CDKAL1: variants seen among roughly 807,000 people sequenced by gnomAD.
CDKAL1 encodes the protein threonylcarbamoyladenosine tRNA methylthiotransferase.
In CDKAL1, 32 loss-of-function variants were observed where a neutral mutation model predicts 68.2. The observed-to-expected ratio is 0.47, with a 90% CI of 0.35 to 0.63. The LOEUF (loss-of-function observed/expected upper bound fraction) is 0.63, where lower values mean the gene tolerates loss of function less well. CDKAL1 is among the 30% of genes least tolerant of loss of function. CDKAL1 has a pLI of 0.00. For synonymous variants in CDKAL1, 234 were observed against 244.3 expected, an observed-to-expected ratio of 0.96 and a Z score of 0.39; for missense variants, 606 against 696.7, an observed-to-expected ratio of 0.87 and a Z score of 1.47.
At chr6:21,220,593 T>G (rs1779504619) in intron 15 of CDKAL1, among the ~76,000 whole-genome samples, 1 of 152,232 alleles carries the variant, frequency 6.6e-6, no homozygotes, top group South Asian at 2.1e-4. Context: ...CTGGTTCTTC[T>G]GTCCTACACC....
intron 5 of CDKAL1, among the ~76,000 whole-genome samples, chr6:20,702,518 G>T (rs1330084689): frequency 6.6e-6 from 1 of 152,178 alleles, no homozygotes; most frequent in Non-Finnish European, 1.5e-5. Context: ...AGCCAGAAGG[G>T]AGATGGTTTT....
intron 8 of CDKAL1, among the ~76,000 whole-genome samples, chr6:20,822,427 G>T (rs1023418421): frequency 6.6e-6 from 1 of 151,986 alleles, no homozygotes; most frequent in Non-Finnish European, 1.5e-5. Flanking sequence ...TCCCATACTC[G>T]ATAATCAGAA....
chr6:20,995,083 C>A (rs1347518088), intron 10 of CDKAL1, among the ~76,000 whole-genome samples: 2 of 152,224 alleles, frequency 1.3e-5, no homozygotes, highest in African/African-American at 4.8e-5. Context: ...AACAACTCAT[C>A]ATCTGTTCAA....
At chr6:21,117,605 C>G (rs1043503546) in intron 13 of CDKAL1, among the ~76,000 whole-genome samples, 3 of 152,002 alleles carry the variant, frequency 2.0e-5, no homozygotes, top group African/African-American at 7.2e-5. Flanking sequence ...CCACTGCACT[C>G]CAGCCTGGGC....
intron 2 of CDKAL1, among the ~76,000 whole-genome samples, chr6:20,542,972 A>T (rs1454995564): frequency 6.6e-6 from 1 of 152,250 alleles, no homozygotes; most frequent in African/African-American, 2.4e-5. Context: ...CAGGAGAGTC[A>T]TCCAGGTTGA....
intron 8 of CDKAL1, among the ~76,000 whole-genome samples, chr6:20,784,301 G>A (rs1383231810): frequency 6.7e-6 from 1 of 148,880 alleles, no homozygotes; most frequent in African/African-American, 2.5e-5. Context: ...AATAATACCT[G>A]ATACAATAGA....
intron 13 of CDKAL1, among the ~76,000 whole-genome samples, chr6:21,115,828 C>G (rs893382111): frequency 6.6e-6 from 1 of 152,178 alleles, no homozygotes; most frequent in East Asian, 1.9e-4. Flanking sequence ...GAAATAAGGA[C>G]ATACTGAAGA....
At chr6:20,538,373 G>A (rs1446450956) in intron 2 of CDKAL1, among the ~76,000 whole-genome samples, 1 of 152,144 alleles carries the variant, frequency 6.6e-6, no homozygotes, top group Non-Finnish European at 1.5e-5. Context: ...GTGAGGCAAA[G>A]CCATAGTGGG....
chr6:21,011,309 G>C (rs1207851547), intron 11 of CDKAL1, among the ~76,000 whole-genome samples: 3 of 151,832 alleles, frequency 2.0e-5, no homozygotes, highest in Non-Finnish European at 4.4e-5. Context: ...GTGTGAACCC[G>C]GGAGGCAGAG....
intron 15 of CDKAL1, among the ~76,000 whole-genome samples, chr6:21,220,647 C>T (rs990122141): frequency 2.0e-5 from 3 of 152,172 alleles, no homozygotes; most frequent in South Asian, 2.1e-4. Context: ...AATTAGGAAA[C>T]TATTATAAGC....
At chr6:20,977,443 G>C (rs201358) in intron 10 of CDKAL1, among the ~76,000 whole-genome samples, 14,770 of 152,216 alleles carry the variant, frequency 0.097, 824 homozygotes, top group Middle Eastern at 0.16. Context: ...TTAGCACTAT[G>C]TAACCATGTG....
chr6:20,894,742 C>T lies in CDKAL1; in HGVS notation c.742+48564C>T, dbSNP rs1422057788. On this transcript the variant is annotated intron_variant, in intron 9 of 15. Transcript: ENST00000274695. ...ACATAAAATACAAAATGTGGTGGCTCACACCTGCAATCCTCAGCACTTTGG... is the reference window on the plus strand; with the variant it reads ...ACATAAAATACAAAATGTGGTGGCTTACACCTGCAATCCTCAGCACTTTGG... Among the ~76,000 whole-genome samples, 4 of 152,238 alleles carry T rather than the reference C, an allele frequency of 2.6e-5. 1 individual carries two copies. The highest frequency in any genetic ancestry group is 4.1e-4 in the South Asian group (2 of 4,820).
At chr6:21,060,630 A>G (rs1030223578) in intron 11 of CDKAL1, among the ~76,000 whole-genome samples, 16 of 152,022 alleles carry the variant, frequency 1.1e-4, no homozygotes, top group Non-Finnish European at 7.4e-5. Context: ...TATATCTAAC[A>G]CAGAAATTAA....
chr6:20,625,486 G>A (rs973499696), intron 4 of CDKAL1, among the ~76,000 whole-genome samples: 2 of 152,060 alleles, frequency 1.3e-5, no homozygotes, highest in African/African-American at 4.8e-5. Context: ...GAATTGAAAA[G>A]TTCTGAATAT....
At chr6:20,881,159 C>T (rs908895655) in intron 9 of CDKAL1, among the ~76,000 whole-genome samples, 4 of 152,164 alleles carry the variant, frequency 2.6e-5, no homozygotes, top group African/African-American at 7.2e-5. Flanking sequence ...ACAGCACAGT[C>T]GCTTGGCTGG....
chr6:20,746,642 G>A (rs548112958), intron 6 of CDKAL1, among the ~76,000 whole-genome samples: 15 of 152,230 alleles, frequency 9.9e-5, no homozygotes, highest in African/African-American at 3.6e-4. Context: ...ATCAAACTTC[G>A]TTATGGTAAA....
intron 2 of CDKAL1, among the ~76,000 whole-genome samples, chr6:20,536,844 A>G (rs1192107744): frequency 6.6e-6 from 1 of 152,202 alleles, no homozygotes; most frequent in Admixed American, 6.5e-5. Flanking sequence ...TTCATTTCTA[A>G]CAAGTTCCCC....
chr6:20,542,799 A>G (rs753965788), intron 2 of CDKAL1, among the ~76,000 whole-genome samples: 16 of 152,176 alleles, frequency 1.1e-4, no homozygotes, highest in Non-Finnish European at 2.2e-4. Flanking sequence ...TTGCTCTTTT[A>G]TAGTCATACC....
intron 15 of CDKAL1, among the ~76,000 whole-genome samples, chr6:21,229,531 A>G (rs1454801931): frequency 1.3e-5 from 2 of 152,162 alleles, no homozygotes; most frequent in Non-Finnish European, 2.9e-5. Flanking sequence ...GAAGCCAAAG[A>G]GGTACCAGGA....
Sources: gnomAD v4.1 joint callset for allele counts (sites outside exome capture counted in the v4.1 genomes callset) on GRCh38, gnomAD v4.1.1 for gene constraint, MANE v1.5 for transcripts, NCBI Gene and HGNC (gene_info 2026-07-23, HGNC 2026-07-21) for gene names.